Variants in ARHGAP6 observed in about 807,000 individuals in gnomAD.
ARHGAP6 encodes the protein Rho GTPase activating protein 6.
In ARHGAP6, 16 loss-of-function variants were observed where a neutral mutation model predicts 55.7. The ratio of observed to expected loss-of-function variants is 0.29; its 90% CI spans 0.19 to 0.44. ARHGAP6 has a LOEUF of 0.44. Among genes scored for constraint, ARHGAP6 ranks in the 20% least tolerant of loss-of-function variants. The pLI is 1.00. For synonymous variants in ARHGAP6, 382 were observed against 360.9 expected (o/e 1.06, Z -0.66); for missense variants, 698 against 808.9 (o/e 0.86, Z 1.66).
chrX:11,354,323 C>CTA (rs1555997400), intron 1 of ARHGAP6, among the ~76,000 whole-genome samples: 106 of 57,069 alleles, frequency 1.9e-3, no homozygotes, highest in East Asian at 7.1e-3. Context: ...CTCTCTCTCT[C>CTA]TCTCTATATA....
chrX:11,402,551 C>T (rs769641029), intron 1 of ARHGAP6, among the ~76,000 whole-genome samples: 1 of 111,571 alleles, frequency 9.0e-6, no homozygotes, highest in Non-Finnish European at 1.9e-5. Context: ...GTCTACAAGT[C>T]ACTAGCTCTC....
intron 1 of ARHGAP6, among the ~76,000 whole-genome samples, chrX:11,456,337 T>C (rs778263691): frequency 9.0e-5 from 10 of 111,640 alleles, no homozygotes; most frequent in East Asian, 2.8e-4. Context: ...AACTAATTAT[T>C]TTCCTTTGAA....
intron 1 of ARHGAP6, among the ~76,000 whole-genome samples, chrX:11,436,158 G>A (rs976753325): frequency 3.6e-5 from 4 of 112,362 alleles, no homozygotes; most frequent in Non-Finnish European, 7.5e-5. Context: ...AAAATAATTT[G>A]TTTTCTCTTA....
At chrX:11,192,297 A>G (rs1489529599) in intron 3 of ARHGAP6, among the ~76,000 whole-genome samples, 1 of 111,323 alleles carries the variant, frequency 9.0e-6, no homozygotes, top group African/African-American at 3.3e-5. Context: ...TGTCACTTTC[A>G]CATTATCTCT....
chrX:11,591,376 A>C (rs1223790880), intron 1 of ARHGAP6, among the ~76,000 whole-genome samples: 1 of 108,486 alleles, frequency 9.2e-6, no homozygotes. Context: ...TATTAATTTT[A>C]ATTATTTAAT....
At chrX:11,387,588 A>G (rs1159507884) in intron 1 of ARHGAP6, among the ~76,000 whole-genome samples, 5 of 112,043 alleles carry the variant, frequency 4.5e-5, no homozygotes, top group Non-Finnish European at 9.4e-5. Context: ...GTTTTAGAGT[A>G]CATGTGCGCA....
At chrX:11,252,641 G>A (rs900803044) in intron 2 of ARHGAP6, among the ~76,000 whole-genome samples, 1 of 112,576 alleles carries the variant, frequency 8.9e-6, no homozygotes, top group African/African-American at 3.2e-5. Flanking sequence ...ATTTCCTCTT[G>A]GAAACAACAT....
chrX:11,624,188 T>A (rs2052266676), intron 1 of ARHGAP6, among the ~76,000 whole-genome samples: 1 of 112,281 alleles, frequency 8.9e-6, no homozygotes, highest in African/African-American at 3.2e-5. Flanking sequence ...AGAATGAAAC[T>A]AGACCCCTAT....
At chrX:11,333,304 G>A (rs947369946) in intron 1 of ARHGAP6, among the ~76,000 whole-genome samples, 1 of 111,445 alleles carries the variant, frequency 9.0e-6, no homozygotes, top group Non-Finnish European at 1.9e-5. Context: ...TGTTGTTCTC[G>A]TGATAGTGAG....
intron 1 of ARHGAP6, chrX:11,334,667 A>G: frequency 6.1e-6 from 1 of 162,880 alleles, no homozygotes; most frequent in Non-Finnish European, 1.2e-5. Context: ...TCATACACTG[A>G]CCATATAAAG....
rs952092153 is a variant in ARHGAP6 at position 11,425,546 on chromosome X, C to A, written c.589-170839G>T. 1.8e-5 allele frequency among the ~76,000 whole-genome samples: 2 copies of A among 111,766 alleles called. 1 individual carries two copies. The highest frequency in any genetic ancestry group is 6.5e-5 in the African/African-American group (2 of 30,799). On this transcript the variant is annotated intron_variant, in intron 1 of 12. Coordinates refer to ENST00000337414, the MANE Select transcript of ARHGAP6 (RefSeq NM_013427.3). Reference sequence around the variant, plus strand: ...CGGGTGACTTATTCCAACCTGGAATCCCAACAAATTCCCTCTGGAATCTTC... The same window carrying A: ...CGGGTGACTTATTCCAACCTGGAATACCAACAAATTCCCTCTGGAATCTTC...
chrX:11,561,058 G>A (rs761891621), intron 1 of ARHGAP6, among the ~76,000 whole-genome samples: 2 of 111,896 alleles, frequency 1.8e-5, no homozygotes, highest in East Asian at 5.6e-4. Flanking sequence ...GGCTGTTATT[G>A]TAATACAGAG....
chrX:11,331,378 C>G (rs1276026043), intron 1 of ARHGAP6, among the ~76,000 whole-genome samples: 1 of 111,784 alleles, frequency 8.9e-6, no homozygotes, highest in East Asian at 2.8e-4. Flanking sequence ...TGAACCTAAG[C>G]ATAAAAATGG....
chrX:11,179,429 C>T lies in ARHGAP6; in HGVS notation c.1353G>A (p.Gly451=). The T allele has an allele frequency of 8.3e-7, 1 of 1,209,448 alleles. No individual in the cohort carries two copies. The highest frequency in any genetic ancestry group is 1.1e-6 in the Non-Finnish European group (1 of 894,743). Residue 451 remains glycine (G), a synonymous_variant, in exon 7 of 13, where the codon GGG becomes GGA. Transcript: ENST00000337414. ...GCTCCTCCTCCAGAGAGACATCAAT[C>T]CCACGGTCAAATTCCTCACGTAACT... The part of the protein sequence containing the change: ...VRQLREEFDR[G]IDVSLEEEHS...
At chrX:11,427,572 G>C (rs1051857899) in intron 1 of ARHGAP6, 2 of 916,634 alleles carry the variant, frequency 2.2e-6, no homozygotes, top group Non-Finnish European at 2.7e-6. Flanking sequence ...GGGGCTTCTC[G>C]CCGCGGTACA....
At chrX:11,316,622 T>C (rs10126840) in intron 1 of ARHGAP6, among the ~76,000 whole-genome samples, 30,282 of 111,401 alleles carry the variant, frequency 0.27, 3,116 homozygotes, top group Middle Eastern at 0.44. Context: ...CTGTTAATTA[T>C]AGTAACCATG....
At chrX:11,567,875 G>C (rs976172842) in intron 1 of ARHGAP6, among the ~76,000 whole-genome samples, 3 of 110,392 alleles carry the variant, frequency 2.7e-5, no homozygotes, top group African/African-American at 9.9e-5. Context: ...ACAGGATCTA[G>C]CCATGTTGCC....
In ARHGAP6 at chrX:11,537,014, C is replaced by T. The variant is rs1458476302; in HGVS notation, c.588+127227G>A. Among the ~76,000 whole-genome samples, 3 of 112,368 alleles carry T rather than the reference C, an allele frequency of 2.7e-5. No homozygotes were observed. The Admixed American group carries it at 2.8e-4, about 11-fold the overall frequency. ...ATTTCAAGCATAGATTCTCTTTCCA[C>T]ACATGATGAAAACTGGGAGCTGTCC... On this transcript the variant is annotated intron_variant, in intron 1 of 12. Transcript: ENST00000337414.
Position 11,169,182 on chromosome X carries a change from A to G in ARHGAP6, c.1809+323T>C, listed in dbSNP as rs150165238. The stretch of plus-strand genomic sequence containing the variant: ...TTATGAATACATGAATTCATGAGGG[A>G]CACAATTCCATAAAGAAGGGTTTTA... On this transcript the variant is annotated intron_variant, in intron 9 of 12. Transcript: ENST00000337414. The G allele has an allele frequency of 6.5e-3, 1,118 of 172,064 alleles. 10 individuals are homozygous for G. The highest frequency in any genetic ancestry group is 0.031 in the African/African-American group (1,047 of 33,240). 14.2% of individuals were successfully genotyped at this position (172,064 alleles called of 1,213,427 possible).
Sources: gnomAD v4.1 joint callset for allele counts (sites outside exome capture counted in the v4.1 genomes callset) on GRCh38, gnomAD v4.1.1 for gene constraint, MANE v1.5 for transcripts, NCBI Gene and HGNC (gene_info 2026-07-23, HGNC 2026-07-21) for gene names.